RBFOX1: variants seen among roughly 807,000 people sequenced by gnomAD.
The protein encoded by RBFOX1 is RNA binding fox-1 homolog 1.
In RBFOX1, 8 loss-of-function variants were observed where a neutral mutation model predicts 57.7. The ratio of observed to expected loss-of-function variants is 0.14; its 90% CI spans 0.08 to 0.25. The LOEUF is 0.25. Among genes scored for constraint, RBFOX1 ranks in the 10% least tolerant of loss-of-function variants. RBFOX1 has a pLI of 1.00. For synonymous variants in RBFOX1, 326 were observed against 222.4 expected (o/e 1.47, Z -4.15); for missense variants, 611 against 548.5 (o/e 1.11, Z -1.14).
At chr16:5,686,015 A>G (rs1335247606) in intron 3 of RBFOX1, among the ~76,000 whole-genome samples, 1 of 152,224 alleles carries the variant, frequency 6.6e-6, no homozygotes, top group Non-Finnish European at 1.5e-5. Context: ...GTCAGAAGGA[A>G]TACAAGTAGG....
chr16:6,919,139 C>T (rs1488307331), intron 3 of RBFOX1, among the ~76,000 whole-genome samples: 7 of 152,006 alleles, frequency 4.6e-5, no homozygotes, highest in Non-Finnish European at 1.0e-4. Flanking sequence ...GCCATCGTGC[C>T]TGGCTAGTTT....
rs181976503 is a variant in RBFOX1, at chr16:6,842,883, C to T, written c.-16+188233C>T. Among the ~76,000 whole-genome samples, 806 of 152,178 alleles carry T rather than the reference C, an allele frequency of 5.3e-3. 10 individuals are homozygous for T. Among genetic ancestry groups the T allele is most frequent in the African/African-American group, 0.018 (761 of 41,502 alleles). ...TCCCCTCCCTGTGTCCATGTGTTCT[C>T]ATTGTTCAACTCCGACTTATGAGTG... On this transcript the variant is annotated intron_variant, in intron 3 of 15. Coordinates refer to ENST00000550418, the MANE Select transcript of RBFOX1 (RefSeq NM_018723.4).
intron 4 of RBFOX1, among the ~76,000 whole-genome samples, chr16:7,252,050 T>G (rs1374984070): frequency 6.6e-6 from 1 of 152,150 alleles, no homozygotes; most frequent in Non-Finnish European, 1.5e-5. Context: ...GAGAAGGATA[T>G]TGTGTTCTAG....
intron 1 of RBFOX1, among the ~76,000 whole-genome samples, chr16:5,364,567 A>G (rs549008646): frequency 1.3e-5 from 2 of 152,294 alleles, no homozygotes; most frequent in South Asian, 2.1e-4. Flanking sequence ...CTTTGTGATG[A>G]TACTTACTCC....
Position 5,871,983 on chromosome 16 carries a change from C to T in RBFOX1, c.351+4648C>T, listed in dbSNP as rs116508837. On this transcript the variant is annotated intron_variant, in intron 4 of 19. Coordinates refer to the RBFOX1 transcript ENST00000641259. ...CTTGGGAGAATGTAGGTGGAATCTC[C>T]CTCCTACCATTATTTTTTCCTTCCA... Among the ~76,000 whole-genome samples the T allele has an allele frequency of 8.4e-3, 1,282 of 152,256 alleles. 11 individuals carry two copies. Among genetic ancestry groups the T allele is most frequent in the African/African-American group, 0.029 (1,207 of 41,556 alleles).
chr16:6,135,967 G>C (rs565434334), intron 1 of RBFOX1, among the ~76,000 whole-genome samples: 131 of 151,826 alleles, frequency 8.6e-4, no homozygotes, highest in African/African-American at 3.1e-3. Context: ...GCTAATTTTT[G>C]TATTTTTAGT....
At chr16:5,303,555 G>T (rs2063857073) in intron 1 of RBFOX1, among the ~76,000 whole-genome samples, 1 of 152,164 alleles carries the variant, frequency 6.6e-6, no homozygotes. Flanking sequence ...ACAGATGCCA[G>T]TGTTTTAGAT....
intron 3 of RBFOX1, among the ~76,000 whole-genome samples, chr16:7,006,705 C>T (rs1327479385): frequency 6.6e-6 from 1 of 152,164 alleles, no homozygotes; most frequent in African/African-American, 2.4e-5. Context: ...TCCTTGGTCT[C>T]CCAATGTGCT....
chr16:5,976,329 TAG>T (rs1305166353), intron 4 of RBFOX1, among the ~76,000 whole-genome samples: 1 of 152,174 alleles, frequency 6.6e-6, no homozygotes, highest in East Asian at 1.9e-4. Flanking sequence ...AAAGCTCACA[TAG>T]ACTCCTTTAT....
intron 4 of RBFOX1, among the ~76,000 whole-genome samples, chr16:5,882,937 C>G (rs989497201): frequency 3.3e-5 from 5 of 152,128 alleles, no homozygotes; most frequent in African/African-American, 1.2e-4. Context: ...ATTTAAAATG[C>G]AGTCTATTCT....
At chr16:7,655,765 A>G (rs749831429) in intron 12 of RBFOX1, among the ~76,000 whole-genome samples, 4 of 152,182 alleles carry the variant, frequency 2.6e-5, no homozygotes, top group South Asian at 2.1e-4. Context: ...TAGTATATCT[A>G]CCATCAGTAT....
At chr16:7,249,776 G>C (rs1386375960) in intron 4 of RBFOX1, among the ~76,000 whole-genome samples, 1 of 152,058 alleles carries the variant, frequency 6.6e-6, no homozygotes, top group Admixed American at 6.5e-5. Context: ...GAGCAACATT[G>C]TGTCTATATC....
chr16:6,671,139 A>G (rs1307308193), intron 3 of RBFOX1, among the ~76,000 whole-genome samples: 1 of 152,202 alleles, frequency 6.6e-6, no homozygotes, highest in Non-Finnish European at 1.5e-5. Flanking sequence ...ATTTCTTATT[A>G]TTCCAGTCGA....
rs561530260 is a variant in RBFOX1 at position 5,416,261 on chromosome 16, A to G, written c.220-50955A>G. On this transcript the variant is annotated intron_variant, in intron 1 of 2. Transcript: ENST00000585867. ...AAGTGAGTCATTTGTCTACGGTCAC[A>G]CATTTATGCATGTTTGTGAATGGTG... Among the ~76,000 whole-genome samples, 4 of 152,350 alleles carry G rather than the reference A, an allele frequency of 2.6e-5. No individual in the cohort carries two copies. The East Asian group carries it at 7.7e-4, about 29-fold the overall frequency.
At chr16:7,348,012 C>A (rs927678406) in intron 4 of RBFOX1, among the ~76,000 whole-genome samples, 1 of 152,212 alleles carries the variant, frequency 6.6e-6, no homozygotes, top group Admixed American at 6.5e-5. Flanking sequence ...AACGAGCAGT[C>A]AATTGATTTG....
intron 9 of RBFOX1, among the ~76,000 whole-genome samples, chr16:7,598,511 T>A (rs896335671): frequency 2.0e-5 from 3 of 151,888 alleles, no homozygotes; most frequent in Non-Finnish European, 4.4e-5. Context: ...AAAAAAAAAA[T>A]TAAAAGAAAC....
At chr16:5,282,130 T>C (rs1049276542) in intron 1 of RBFOX1, among the ~76,000 whole-genome samples, 1 of 152,184 alleles carries the variant, frequency 6.6e-6, no homozygotes, top group Admixed American at 6.5e-5. Context: ...TCATGAGATC[T>C]GAGAGGTTTT....
intron 3 of RBFOX1, among the ~76,000 whole-genome samples, chr16:7,018,727 C>T (rs1026618752): frequency 1.3e-5 from 2 of 151,868 alleles, no homozygotes; most frequent in African/African-American, 4.8e-5. Flanking sequence ...CAACATGGCA[C>T]CTGTATACAC....
At chr16:7,280,313 T>C (rs546499736) in intron 4 of RBFOX1, among the ~76,000 whole-genome samples, 2 of 152,352 alleles carry the variant, frequency 1.3e-5, no homozygotes, top group Admixed American at 1.3e-4. Context: ...CCTTCCAGAA[T>C]AGAGTCCTTC....
Sources: allele counts gnomAD v4.1 joint callset (sites outside exome capture counted in the v4.1 genomes callset), GRCh38; gene constraint gnomAD v4.1.1; transcripts MANE v1.5; gene names NCBI Gene and HGNC (gene_info 2026-07-23, HGNC 2026-07-21).